MYRFL: variants seen among roughly 807,000 people sequenced by gnomAD.
The protein encoded by MYRFL is myelin regulatory factor like.
MYRFL carries 88 observed loss-of-function variants against 109.4 expected under a neutral mutation model. The observed-to-expected ratio is 0.80, with a 90% CI of 0.68 to 0.96. The LOEUF is 0.96. Among genes scored for constraint, MYRFL ranks in the 40% least tolerant of loss-of-function variants. The pLI, the probability that MYRFL is intolerant of heterozygous loss-of-function variation, is 0.00. For missense variants in MYRFL, 957 were observed against 954.9 expected (o/e 1.00, Z -0.03); for synonymous variants, 324 against 320.9 (o/e 1.01, Z -0.10).
intron 14 of MYRFL, among the ~76,000 whole-genome samples, 199 bp downstream of exon 14, chr12:69,926,933 G>GTTTTTTT (rs1491453128): frequency 6.4e-5 from 2 of 31,394 alleles, no homozygotes; most frequent in Non-Finnish European, 9.9e-5. Flanking sequence ...TCTGTTGCTG[G>GTTTTTTT]TTTTTTTTTT....
At chr12:69,909,943 A>C in intron 11 of MYRFL, 26 bp from the exon 12 acceptor site, 1 of 1,464,766 alleles carries the variant, frequency 6.8e-7, no homozygotes, top group Non-Finnish European at 9.1e-7. Context: ...ATGCGAGTAA[A>C]ATCTGCTCTT....
At chr12:69,876,228 G>C (rs979885331) in intron 2 of MYRFL, among the ~76,000 whole-genome samples, 11 of 152,158 alleles carry the variant, frequency 7.2e-5, no homozygotes, top group African/African-American at 2.7e-4. Flanking sequence ...TAGCTGTCCT[G>C]TGGCTCTGAC....
intron 1 of MYRFL, among the ~76,000 whole-genome samples, chr12:69,843,584 C>T (rs1052645490): frequency 1.1e-4 from 17 of 152,184 alleles, no homozygotes; most frequent in East Asian, 3.8e-4. Context: ...TCCCTGCTCA[C>T]GCCCTTGGAG....
At chr12:69,876,798 A>G (rs1011317411) in intron 2 of MYRFL, among the ~76,000 whole-genome samples, 30 of 152,162 alleles carry the variant, frequency 2.0e-4, no homozygotes, top group African/African-American at 6.5e-4. Flanking sequence ...GAGTTAAGGA[A>G]AAGACTCAGA....
chr12:69,957,789 TCAGGTGC>T (rs1444722125), intron 22 of MYRFL, 26 bp from the exon 23 acceptor site: 1 of 1,504,868 alleles, frequency 6.6e-7, no homozygotes, highest in East Asian at 2.5e-5. Context: ...AACTGCTTTT[TCAGGTGC>T]TCTTTCTTTT....
intron 13 of MYRFL, among the ~76,000 whole-genome samples, chr12:69,913,735 A>G (rs756211100): frequency 4.6e-5 from 7 of 152,220 alleles, no homozygotes; most frequent in Non-Finnish European, 1.0e-4. Flanking sequence ...AGTGTGAGTC[A>G]TACGGCTTTG....
intron 2 of MYRFL, among the ~76,000 whole-genome samples, chr12:69,858,492 G>T (rs1884434784): frequency 6.6e-6 from 1 of 151,584 alleles, no homozygotes; most frequent in Non-Finnish European, 1.5e-5. Context: ...TTTGTTGGAG[G>T]GTCTTAAATA....
At chr12:69,860,498 G>A (rs1020636851) in intron 2 of MYRFL, among the ~76,000 whole-genome samples, 1 of 151,888 alleles carries the variant, frequency 6.6e-6, no homozygotes, top group Non-Finnish European at 1.5e-5. Context: ...GTATCATTGG[G>A]TATTTTTCCC....
rs987895623 is a variant in MYRFL at position 69,928,084 on chromosome 12, T to TATC, written c.1830+337_1830+339dup. Among the ~76,000 whole-genome samples, 18 of 152,306 alleles carry TATC rather than the reference T, an allele frequency of 1.2e-4. No homozygotes were observed. In the South Asian group the frequency reaches 2.3e-3, roughly 19 times the overall value. On this transcript the variant is annotated intron_variant, in intron 15 of 24. Transcript: ENST00000552032. ...GTACATGCCTTGACCGCCACCCCCTTATCTTTGGCTTTAGGAGATCCCAAA... is the reference window on the plus strand; with the variant it reads ...GTACATGCCTTGACCGCCACCCCCTTATCATCTTTGGCTTTAGGAGATCCCAAA...
intron 16 of MYRFL, 87 bp from the exon 17 acceptor site, chr12:69,936,026 T>A: frequency 6.9e-7 from 1 of 1,443,672 alleles, no homozygotes; most frequent in Non-Finnish European, 9.2e-7. Flanking sequence ...AGAGTACATC[T>A]CTGGCCAGCT....
chr12:69,860,728 T>C (rs1884600377), intron 2 of MYRFL, among the ~76,000 whole-genome samples: 1 of 152,070 alleles, frequency 6.6e-6, no homozygotes, highest in South Asian at 2.1e-4. Context: ...CATATAGATT[T>C]ATTTTCTTTT....
chr12:69,915,633 G>A (rs2120407432), intron 13 of MYRFL, among the ~76,000 whole-genome samples: 1 of 152,184 alleles, frequency 6.6e-6, no homozygotes, highest in Middle Eastern at 3.4e-3. Context: ...CTTATCTGGG[G>A]TAATTTGCCT....
chr12:69,874,435 C>G (rs1335754221), intron 2 of MYRFL, among the ~76,000 whole-genome samples: 6 of 152,206 alleles, frequency 3.9e-5, no homozygotes, highest in Non-Finnish European at 8.8e-5. Context: ...CCTTCGGCCT[C>G]CCAAAGTGCT....
In MYRFL at chr12:69,926,616, AAACT is replaced by A. The variant is rs1267423227; in HGVS notation, c.1656_1659del (p.Asn553ThrfsTer6). ...TGTAGGTGCAGTGAAGCAACTGTGC[AAACT>A]AACTAACAACCTTGAGGAAAGAATA... On this transcript the variant is annotated frameshift_variant, in exon 14 of 25. Coordinates refer to ENST00000552032, the MANE Select transcript of MYRFL (RefSeq NM_182530.3). LOFTEE classifies it high-confidence loss of function. 33 of 1,529,174 alleles carry A rather than the reference AAACT, an allele frequency of 2.2e-5. No homozygotes were observed. Among genetic ancestry groups the A allele is most frequent in the South Asian group, 3.6e-5 (3 of 83,030 alleles). The allele number at this position is 1,529,174 out of a possible 1,614,324, so 94.7% of individuals were successfully genotyped here.
In MYRFL at chr12:69,958,515, A is replaced by G. The variant is rs1172073449; in HGVS notation, c.2717A>G (p.Tyr906Cys). 9.8e-6 allele frequency: 15 copies of G among 1,534,614 alleles called. No individual in the cohort carries two copies. The highest frequency in any genetic ancestry group is 4.9e-5 in the East Asian group (2 of 40,852). The stretch of plus-strand genomic sequence containing the variant: ...TTCACCGATTACTTCTTTTACTTCT[A>G]TCGACGCTGTGCCTAATTTGTTCAA... ...IFFTDYFFYF[Y>C]RRCA Residue 906 changes from tyrosine (Y) to cysteine (C), a missense_variant, in exon 25 of 25, where the codon TAT becomes TGT. Physicochemically the swap from Tyr to Cys is radical, Grantham distance 194. Transcript: ENST00000552032.
chr12:69,875,050 G>T (rs1372451792), intron 2 of MYRFL, among the ~76,000 whole-genome samples: 1 of 150,966 alleles, frequency 6.6e-6, no homozygotes, highest in African/African-American at 2.4e-5. Flanking sequence ...CCACATCAGA[G>T]TGAAGTATAT....
chr12:69,826,831 A>AT (rs1469625096), intron 1 of MYRFL, among the ~76,000 whole-genome samples: 1 of 152,098 alleles, frequency 6.6e-6, no homozygotes, highest in African/African-American at 2.4e-5. Flanking sequence ...CTAATTGTCA[A>AT]TTTTTTCTTA....
chr12:69,956,415 C>T (rs897499673), intron 22 of MYRFL, among the ~76,000 whole-genome samples: 2 of 152,174 alleles, frequency 1.3e-5, no homozygotes, highest in Admixed American at 1.3e-4. Flanking sequence ...TTAACCTATT[C>T]TTATCAGATA....
intron 2 of MYRFL, among the ~76,000 whole-genome samples, chr12:69,872,886 C>T (rs1046288778): frequency 1.3e-5 from 2 of 152,120 alleles, no homozygotes; most frequent in African/African-American, 4.8e-5. Flanking sequence ...CCTGCCTCAG[C>T]GTCCCAAAGC....
Sources: gnomAD v4.1 joint callset for allele counts (sites outside exome capture counted in the v4.1 genomes callset) on GRCh38, gnomAD v4.1.1 for gene constraint, MANE v1.5 for transcripts, NCBI Gene and HGNC (gene_info 2026-07-23, HGNC 2026-07-21) for gene names.